Variants in XYLT1 observed in about 807,000 individuals in gnomAD.
XYLT1 encodes the protein beta-D-xylosyltransferase 1.
In XYLT1, 36 loss-of-function variants were observed where a neutral mutation model predicts 91.3. The ratio of observed to expected loss-of-function variants is 0.39; its 90% CI spans 0.30 to 0.52. The LOEUF (loss-of-function observed/expected upper bound fraction) is 0.52, where lower values mean the gene tolerates loss of function less well. XYLT1 is among the 20% of genes least tolerant of loss of function. The pLI is 0.68. For missense variants in XYLT1, 1,242 were observed against 1,284.5 expected (o/e 0.97, Z 0.51); for synonymous variants, 588 against 532.0 (o/e 1.11, Z -1.45).
At chr16:17,330,585 G>A (rs1026157774) in intron 2 of XYLT1, among the ~76,000 whole-genome samples, 2 of 151,516 alleles carry the variant, frequency 1.3e-5, no homozygotes, top group Admixed American at 6.6e-5. Context: ...TCAGGAGTTC[G>A]AGACCAGCCT....
intron 1 of XYLT1, among the ~76,000 whole-genome samples, chr16:17,418,286 A>G (rs1401154965): frequency 6.6e-6 from 1 of 152,242 alleles, no homozygotes; most frequent in Non-Finnish European, 1.5e-5. Flanking sequence ...TATATTATTT[A>G]TGGATTAGAC....
In XYLT1 at chr16:17,342,324, C is replaced by T. The variant is rs548087983; in HGVS notation, c.402+15688G>A. ...ACACTGCTGCATGGAATTGTCTCCA[C>T]CAAAGGAAAAGGGCAACCTATCTCC... On this transcript the variant is annotated intron_variant, in intron 2 of 11. Transcript: ENST00000261381. 2.0e-5 allele frequency among the ~76,000 whole-genome samples: 3 copies of T among 152,312 alleles called. No individual in the cohort carries two copies. The South Asian group carries it at 6.2e-4, about 32-fold the overall frequency.
At chr16:17,228,677 C>CCCTT (rs1567332458) in intron 3 of XYLT1, among the ~76,000 whole-genome samples, 1 of 152,106 alleles carries the variant, frequency 6.6e-6, no homozygotes, top group Non-Finnish European at 1.5e-5. Context: ...GCTTCATCTC[C>CCCTT]CCTTCTCTCC....
intron 5 of XYLT1, among the ~76,000 whole-genome samples, chr16:17,187,559 G>A (rs1444869691): frequency 2.1e-5 from 2 of 96,780 alleles, no homozygotes; most frequent in African/African-American, 1.1e-4. Flanking sequence ...AGAGCCAAAC[G>A]CTGTCTCAAA....
At chr16:17,187,268 C>A (rs1488944967) in intron 5 of XYLT1, among the ~76,000 whole-genome samples, 1 of 151,660 alleles carries the variant, frequency 6.6e-6, no homozygotes, top group Non-Finnish European at 1.5e-5. Flanking sequence ...GTGGCACGTG[C>A]CTGTAATCCC....
chr16:17,124,341 A>AGT (rs1374001662), intron 10 of XYLT1, among the ~76,000 whole-genome samples: 1 of 151,996 alleles, frequency 6.6e-6, no homozygotes, highest in Non-Finnish European at 1.5e-5. Flanking sequence ...TTATCTTAGC[A>AGT]TTTTTCTGAA....
chr16:17,274,949 T>G (rs75827224), intron 2 of XYLT1, among the ~76,000 whole-genome samples: 1 of 151,946 alleles, frequency 6.6e-6, no homozygotes, highest in Non-Finnish European at 1.5e-5. Flanking sequence ...GGCTGAGGCG[T>G]GGGAATTACT....
chr16:17,241,382 C>G (rs1262238830), intron 3 of XYLT1, among the ~76,000 whole-genome samples: 5 of 152,216 alleles, frequency 3.3e-5, no homozygotes, highest in Non-Finnish European at 7.3e-5. Context: ...CTAATAAAGT[C>G]TTGAAACAAA....
intron 2 of XYLT1, among the ~76,000 whole-genome samples, chr16:17,311,854 G>A (rs991904177): frequency 8.8e-5 from 13 of 147,346 alleles, no homozygotes; most frequent in African/African-American, 2.5e-4. Flanking sequence ...GAAAATGAGA[G>A]CCAAGCAAAA....
intron 2 of XYLT1, among the ~76,000 whole-genome samples, chr16:17,345,811 TTTA>T (rs978913056): frequency 3.3e-5 from 5 of 151,814 alleles, no homozygotes; most frequent in African/African-American, 7.3e-5. Context: ...ACCGTTTTTA[TTTA>T]TTATTATTAT....
At chr16:17,334,136 C>A (rs575126888) in intron 2 of XYLT1, among the ~76,000 whole-genome samples, 40 of 152,350 alleles carry the variant, frequency 2.6e-4, no homozygotes, top group African/African-American at 8.2e-4. Context: ...AGACCCCAAA[C>A]CTGCTGGCAC....
At chr16:17,460,503 C>T (rs2036804515) in intron 1 of XYLT1, among the ~76,000 whole-genome samples, 1 of 152,204 alleles carries the variant, frequency 6.6e-6, no homozygotes, top group Non-Finnish European at 1.5e-5. Context: ...GAATAAGCCA[C>T]ATGGGAATAG....
chr16:17,186,942 C>T lies in XYLT1; in HGVS notation c.1289+11270G>A, dbSNP rs112635027. On this transcript the variant is annotated intron_variant, in intron 5 of 11. Coordinates refer to ENST00000261381, the MANE Select transcript of XYLT1 (RefSeq NM_022166.4). ...ACACGGAGAGATGTCAGGGTTAGAACGAGAATACGCAAGGTGCAGATGGAG... is the reference window on the plus strand; with the variant it reads ...ACACGGAGAGATGTCAGGGTTAGAATGAGAATACGCAAGGTGCAGATGGAG... 4.9e-4 allele frequency among the ~76,000 whole-genome samples: 74 copies of T among 152,116 alleles called. 1 individual carries two copies. The highest frequency in any genetic ancestry group is 1.6e-3 in the African/African-American group (68 of 41,504).
In XYLT1 at chr16:17,103,679, T is replaced by G. The variant is rs1228039147; in HGVS notation, c.*5016A>C. On this transcript the variant is annotated 3_prime_UTR_variant, in exon 12 of 12. Transcript: ENST00000261381. ...AACATGAGGGATGGAGTAGATGACG[T>G]TAGGGAGGGGGATGACAAGGTGCAG... The G allele has an allele frequency of 6.6e-6, 1 of 151,814 alleles. No individual in the cohort carries two copies. Among genetic ancestry groups the G allele is most frequent in the Non-Finnish European group, 1.5e-5 (1 of 67,978 alleles). The allele number at this position is 151,814 out of a possible 1,614,324, so 9.4% of individuals were successfully genotyped here.
intron 1 of XYLT1, chr16:17,445,958 G>C (rs914151486): frequency 1.3e-5 from 2 of 152,240 alleles, no homozygotes; most frequent in African/African-American, 4.8e-5. Context: ...TGCCTCTCGA[G>C]GGATGCTCAA....
chr16:17,438,395 G>T (rs1357526575), intron 1 of XYLT1, among the ~76,000 whole-genome samples: 1 of 152,122 alleles, frequency 6.6e-6, no homozygotes. Context: ...TATTGTATGG[G>T]ACACTGATGT....
At chr16:17,287,478 G>A (rs1211901151) in intron 2 of XYLT1, among the ~76,000 whole-genome samples, 1 of 152,116 alleles carries the variant, frequency 6.6e-6, no homozygotes, top group African/African-American at 2.4e-5. Flanking sequence ...CCTTGCAGCC[G>A]GTACCGCATG....
chr16:17,151,701 A>G (rs1298656505), intron 6 of XYLT1, among the ~76,000 whole-genome samples: 4 of 152,314 alleles, frequency 2.6e-5, no homozygotes, highest in Non-Finnish European at 2.9e-5. Context: ...GATTAGTTCA[A>G]TGTCAGAAAA....
At chr16:17,239,645 C>T (rs1041962494) in intron 3 of XYLT1, among the ~76,000 whole-genome samples, 17 of 151,552 alleles carry the variant, frequency 1.1e-4, no homozygotes, top group Non-Finnish European at 1.8e-4. Flanking sequence ...TCCACTCATC[C>T]GCCCAGCCCA....
Sources: allele counts gnomAD v4.1 joint callset (sites outside exome capture counted in the v4.1 genomes callset), GRCh38; gene constraint gnomAD v4.1.1; transcripts MANE v1.5; gene names NCBI Gene and HGNC (gene_info 2026-07-23, HGNC 2026-07-21).